FAT3: variants seen among roughly 807,000 people sequenced by gnomAD.
FAT3 encodes the protein FAT atypical cadherin 3.
A neutral mutation model predicts 310.2 loss-of-function variants in FAT3; 95 were observed. The observed-to-expected ratio is 0.31, with a 90% CI of 0.26 to 0.36. The LOEUF is 0.36. Among genes scored for constraint, FAT3 ranks in the 10% least tolerant of loss-of-function variants. The pLI is 1.00. For synonymous variants in FAT3, 2,314 were observed against 2,192.9 expected, an observed-to-expected ratio of 1.06 and a Z score of -1.54; for missense variants, 5,408 against 5,715.6, an observed-to-expected ratio of 0.95 and a Z score of 1.74.
At chr11:92,579,745 G>A (rs1010386674) in intron 3 of FAT3, among the ~76,000 whole-genome samples, 1 of 152,124 alleles carries the variant, frequency 6.6e-6, no homozygotes. Flanking sequence ...ATTGACATCA[G>A]AGAAATCTCC....
chr11:92,866,722 C>CT lies in FAT3; in HGVS notation c.11659-18dup, dbSNP rs1172952874. The CT allele has an allele frequency of 6.2e-7, 1 of 1,605,248 alleles. No homozygotes were observed. Among genetic ancestry groups the CT allele is most frequent in the East Asian group, 2.2e-5 (1 of 44,760 alleles). ...CAGTTGCATGTTGAAAAGTGCTGCA[C>CT]TGTTCCTTCCCCACGCAGATTGTGG... On this transcript the variant is annotated intron_variant, in intron 21 of 27. Transcript: ENST00000525166.
chr11:92,367,097 A>G (rs145603038), intron 2 of FAT3: 5,049 of 451,526 alleles, frequency 0.011, 53 homozygotes, highest in Non-Finnish European at 0.017. Flanking sequence ...CAGGTGTCAA[A>G]TTCAGAGCCA....
At chr11:92,249,576 T>C (rs1865056322) in intron 1 of FAT3, among the ~76,000 whole-genome samples, 1 of 152,118 alleles carries the variant, frequency 6.6e-6, no homozygotes, top group South Asian at 2.1e-4. Context: ...TTAAGAGGCT[T>C]CTTGGCTTTT....
chr11:92,440,725 G>C (rs1951047543), intron 2 of FAT3, among the ~76,000 whole-genome samples: 1 of 152,130 alleles, frequency 6.6e-6, no homozygotes, highest in Non-Finnish European at 1.5e-5. Context: ...CAATAAGGAG[G>C]GAAAATTGAA....
chr11:92,837,014 T>C (rs1257615613), intron 16 of FAT3, among the ~76,000 whole-genome samples: 1 of 152,162 alleles, frequency 6.6e-6, no homozygotes, highest in Non-Finnish European at 1.5e-5. Context: ...CCTGTGATCC[T>C]GACTTTATGA....
intron 3 of FAT3, among the ~76,000 whole-genome samples, chr11:92,581,051 A>C (rs1484579830): frequency 6.6e-6 from 1 of 152,046 alleles, no homozygotes; most frequent in Non-Finnish European, 1.5e-5. Context: ...TGAGCTGGAC[A>C]GCTGTTGGCT....
At chr11:92,692,402 C>A (rs1366686254) in intron 3 of FAT3, among the ~76,000 whole-genome samples, 2 of 152,150 alleles carry the variant, frequency 1.3e-5, no homozygotes, top group African/African-American at 4.8e-5. Context: ...CACCCTTTTG[C>A]TTGTGCCCTA....
chr11:92,623,344 T>C (rs1425849906), intron 3 of FAT3, among the ~76,000 whole-genome samples: 1 of 152,176 alleles, frequency 6.6e-6, no homozygotes, highest in Non-Finnish European at 1.5e-5. Flanking sequence ...CTCTCCTCTC[T>C]TGCCTCCTCT....
In FAT3 at chr11:92,801,162, A is replaced by G. The variant is rs1452421795; in HGVS notation, c.8149A>G (p.Ile2717Val). 6.2e-6 allele frequency: 10 copies of G among 1,613,810 alleles called. No homozygotes were observed. In the East Asian group the frequency reaches 1.1e-4, roughly 18 times the overall value. The change falls in exon 10 of 28, where the codon ATT becomes GTT. Residue 2717 changes from isoleucine to valine, a missense_variant. This residue lies in a region of FAT3 where 4,588 missense variants were observed against 4,809.8 expected (regional missense o/e 0.95). Transcript: ENST00000525166. ...CACCCAGTCTCAGTATTCCTTTACCATTGCAGAAGATACAGCCATTGGGAG... is the reference window on the plus strand; with the variant it reads ...CACCCAGTCTCAGTATTCCTTTACCGTTGCAGAAGATACAGCCATTGGGAG... ...SFTQSQYSFTIAEDTAIGSTV... is the reference protein window; with the variant it reads ...SFTQSQYSFTVAEDTAIGSTV...
intron 4 of FAT3, among the ~76,000 whole-genome samples, chr11:92,742,506 G>A (rs1009708183): frequency 6.6e-6 from 1 of 152,236 alleles, no homozygotes; most frequent in African/African-American, 2.4e-5. Context: ...AAGTTTATGT[G>A]TTGGAAACAA....
chr11:92,300,961 T>C (rs542264659), intron 1 of FAT3, among the ~76,000 whole-genome samples: 2 of 152,232 alleles, frequency 1.3e-5, no homozygotes, highest in African/African-American at 4.8e-5. Flanking sequence ...GGCAGCAGGG[T>C]GGCATTTAAC....
intron 2 of FAT3, among the ~76,000 whole-genome samples, chr11:92,488,447 A>ACCCCCCCCC (rs1565355300): frequency 2.0e-4 from 1 of 5,022 alleles, no homozygotes; most frequent in Non-Finnish European, 7.3e-4. Flanking sequence ...AATAACTAGC[A>ACCCCCCCCC]CCGCCCCCCC....
At chr11:92,743,009 A>G (rs1203848392) in intron 4 of FAT3, among the ~76,000 whole-genome samples, 1 of 152,218 alleles carries the variant, frequency 6.6e-6, no homozygotes, top group Non-Finnish European at 1.5e-5. Flanking sequence ...ACTGAAGAGT[A>G]TGCACTTAAT....
intron 3 of FAT3, among the ~76,000 whole-genome samples, chr11:92,618,724 A>G (rs1416938234): frequency 1.3e-5 from 2 of 152,182 alleles, no homozygotes; most frequent in Non-Finnish European, 2.9e-5. Flanking sequence ...GAACCCATTT[A>G]TTAGCTCCAA....
chr11:92,395,953 A>G (rs998749511), intron 2 of FAT3, among the ~76,000 whole-genome samples: 3 of 151,984 alleles, frequency 2.0e-5, no homozygotes, highest in African/African-American at 7.2e-5. Flanking sequence ...ATATTTAGCC[A>G]CTTGTACAGC....
At chr11:92,315,369 T>A (rs1711023403) in intron 1 of FAT3, among the ~76,000 whole-genome samples, 1 of 150,522 alleles carries the variant, frequency 6.6e-6, no homozygotes, top group East Asian at 2.0e-4. Flanking sequence ...TTTGAGGACA[T>A]GATGCAAACA....
chr11:92,750,376 A>C (rs751505455), intron 4 of FAT3, among the ~76,000 whole-genome samples: 1 of 152,186 alleles, frequency 6.6e-6, no homozygotes, highest in Non-Finnish European at 1.5e-5. Flanking sequence ...GTGTTGACTG[A>C]CAAAATTACA....
chr11:92,790,272 A>G, intron 8 of FAT3, 54 bp downstream of exon 8: 2 of 1,574,954 alleles, frequency 1.3e-6, no homozygotes, highest in Non-Finnish European at 1.7e-6. Context: ...TGTTCAGGCC[A>G]CACACATTAG....
intron 3 of FAT3, among the ~76,000 whole-genome samples, chr11:92,649,144 T>C (rs1467971985): frequency 6.6e-6 from 1 of 152,244 alleles, no homozygotes; most frequent in Non-Finnish European, 1.5e-5. Context: ...TGGATTGTGA[T>C]GAAGACTGGC....
Sources: allele counts gnomAD v4.1 joint callset (sites outside exome capture counted in the v4.1 genomes callset), GRCh38; gene constraint gnomAD v4.1.1; regional missense constraint gnomAD v4.1.1; transcripts MANE v1.5; gene names NCBI Gene and HGNC (gene_info 2026-07-23, HGNC 2026-07-21).